Variants in PHLPP2 observed in about 807,000 individuals in gnomAD.
PHLPP2 encodes PH domain and leucine rich repeat protein phosphatase 2, also known as PH domain leucine-rich repeat-containing protein phosphatase 2.
Under a neutral mutation model 124.9 loss-of-function variants are expected in PHLPP2, and 66 were observed. That is an observed-to-expected ratio of 0.53 (90% CI 0.43 to 0.65). The LOEUF (loss-of-function observed/expected upper bound fraction) is 0.65. Among genes scored for constraint, PHLPP2 ranks in the 30% least tolerant of loss-of-function variants. PHLPP2 has a pLI of 0.00. For missense variants in PHLPP2, 1,685 were observed against 1,600.4 expected (o/e 1.05, Z -0.90); for synonymous variants, 681 against 624.7 (o/e 1.09, Z -1.34).
At chr16:71,716,643 A>T (rs1262157531) in intron 1 of PHLPP2, among the ~76,000 whole-genome samples, 1 of 150,648 alleles carries the variant, frequency 6.6e-6, no homozygotes, top group African/African-American at 2.5e-5. Context: ...TGTTTCAATC[A>T]CCTCCAACTA....
chr16:71,662,554 C>A (rs938537324), intron 13 of PHLPP2, among the ~76,000 whole-genome samples: 54 of 152,200 alleles, frequency 3.5e-4, no homozygotes, highest in African/African-American at 1.2e-3. Flanking sequence ...TCTTCTGAAG[C>A]TCTATCTCAT....
At chr16:71,652,125 A>G (rs746830333) in intron 18 of PHLPP2, among the ~76,000 whole-genome samples, 1 of 152,264 alleles carries the variant, frequency 6.6e-6, no homozygotes, top group Non-Finnish European at 1.5e-5. Flanking sequence ...TTTGCAAAAC[A>G]GGTATCTGAT....
intron 3 of PHLPP2, among the ~76,000 whole-genome samples, chr16:71,701,114 TA>T (rs1027758725): frequency 9.9e-5 from 15 of 152,144 alleles, no homozygotes; most frequent in African/African-American, 3.6e-4. Flanking sequence ...TTCAGATGAC[TA>T]AAATCTCATG....
At chr16:71,684,729 T>C (rs1284482558) in intron 4 of PHLPP2, 128 bp from the exon 5 acceptor site, 3 of 852,058 alleles carry the variant, frequency 3.5e-6, no homozygotes, top group Non-Finnish European at 5.2e-6. Flanking sequence ...TCTCTCTCCC[T>C]CCTTGTCCCC....
intron 4 of PHLPP2, among the ~76,000 whole-genome samples, chr16:71,685,739 G>A (rs1172151338): frequency 6.6e-6 from 1 of 152,140 alleles, no homozygotes; most frequent in African/African-American, 2.4e-5. Flanking sequence ...ATTTTGGAAT[G>A]CTTGACATTG....
At chr16:71,698,846 C>G (rs2045200273) in intron 3 of PHLPP2, 1 of 231,454 alleles carries the variant, frequency 4.3e-6, no homozygotes, top group African/African-American at 2.3e-5. Flanking sequence ...CACTCCCTCT[C>G]CAGCAAGACT....
chr16:71,661,097 C>T (rs576071024), intron 13 of PHLPP2, among the ~76,000 whole-genome samples: 1 of 148,046 alleles, frequency 6.8e-6, no homozygotes, highest in South Asian at 2.2e-4. Context: ...GATAGGGTCC[C>T]GCTCTGTTGC....
At position 71,690,566 on chromosome 16, in the gene PHLPP2, C is replaced by G. The variant is rs749829092; in HGVS notation, c.562G>C (p.Asp188His). 3.0e-5 allele frequency: 48 copies of G among 1,613,050 alleles called. No individual in the cohort carries two copies. Among genetic ancestry groups the G allele is most frequent in the Non-Finnish European group, 4.0e-5 (47 of 1,179,478 alleles). Residue 188 changes from aspartate (D) to histidine (H), a missense_variant, in exon 4 of 19, where the codon GAT (aspartate) becomes CAT (histidine). Coordinates refer to ENST00000568954, the MANE Select transcript of PHLPP2 (RefSeq NM_015020.3). ...ATGTGCATCTTTCCAGTTTGACAATCCTTCACTGAGGAAACGATAAGGCAG... is the reference window on the plus strand; with the variant it reads ...ATGTGCATCTTTCCAGTTTGACAATGCTTCACTGAGGAAACGATAAGGCAG... ...GTCLIVSSVK[D>H]CQTGKMHILP...
chr16:71,706,307 C>T (rs772379590), intron 2 of PHLPP2, among the ~76,000 whole-genome samples: 1 of 152,176 alleles, frequency 6.6e-6, no homozygotes, highest in Non-Finnish European at 1.5e-5. Context: ...CAGATTATAC[C>T]GCTTAGCCAA....
intron 15 of PHLPP2, among the ~76,000 whole-genome samples, chr16:71,657,543 C>T (rs1039832107): frequency 2.6e-5 from 4 of 151,338 alleles, no homozygotes; most frequent in Non-Finnish European, 4.4e-5. Flanking sequence ...TACAGGCGCC[C>T]GCCACCTCGC....
chr16:71,704,087 C>T (rs970544732), intron 2 of PHLPP2, among the ~76,000 whole-genome samples: 6 of 152,072 alleles, frequency 3.9e-5, no homozygotes, highest in African/African-American at 1.2e-4. Context: ...CTTCAGGAGG[C>T]TGAGGCGGGC....
intron 15 of PHLPP2, 70 bp from the exon 16 acceptor site, chr16:71,656,751 A>T: frequency 5.5e-6 from 5 of 914,224 alleles, no homozygotes; most frequent in South Asian, 1.4e-5. Context: ...CAACAATAGT[A>T]TTCTTTTTTT....
At chr16:71,717,804 A>T (rs1444647879) in intron 1 of PHLPP2, among the ~76,000 whole-genome samples, 1 of 152,184 alleles carries the variant, frequency 6.6e-6, no homozygotes, top group Non-Finnish European at 1.5e-5. Context: ...TTTCACACAA[A>T]CAAAAAAGTC....
Position 71,656,599 on chromosome 16 carries a change from G to A in PHLPP2, c.2362C>T (p.Leu788=). 1 of 1,611,280 alleles carries A rather than the reference G, an allele frequency of 6.2e-7. No individual in the cohort carries two copies. The highest frequency in any genetic ancestry group is 1.1e-5 in the South Asian group (1 of 91,020). ...TVTSTFWSHG[L]AEMAGQRNKL... The stretch of plus-strand genomic sequence containing the variant: ...TTTCTCTGCCCTGCCATCTCAGCCA[G>A]TCCATGGCTCCAGAAGGTTGACGTA... Residue 788 remains leucine, a synonymous_variant, in exon 16 of 19, where the codon CTG becomes TTG. Transcript: ENST00000568954.
intron 3 of PHLPP2, among the ~76,000 whole-genome samples, chr16:71,693,398 C>T (rs964234219): frequency 1.3e-5 from 2 of 152,210 alleles, no homozygotes; most frequent in Admixed American, 6.5e-5. Flanking sequence ...ATGCTCAAAA[C>T]CTCAGAAGCA....
chr16:71,667,469 T>A, intron 11 of PHLPP2, 136 bp from the exon 12 acceptor site: 1 of 659,142 alleles, frequency 1.5e-6, no homozygotes, highest in South Asian at 2.3e-5. Context: ...CACTGACAAG[T>A]GCCTGAGCCA....
chr16:71,652,428 C>T (rs573909308), intron 18 of PHLPP2, among the ~76,000 whole-genome samples: 2 of 152,290 alleles, frequency 1.3e-5, no homozygotes, highest in African/African-American at 4.8e-5. Context: ...TGAAACTTTG[C>T]ATTTCAGAAT....
chr16:71,723,854 T>G, intron 1 of PHLPP2: 18 of 1,205,930 alleles, frequency 1.5e-5, no homozygotes, highest in Non-Finnish European at 1.7e-5. Context: ...GGGCCCCGGC[T>G]CCACCTCCCC....
In PHLPP2 at chr16:71,652,790, C is replaced by T; in HGVS notation, c.2817G>A (p.Glu939=). The T allele has an allele frequency of 6.2e-7, 1 of 1,610,474 alleles. No homozygotes were observed. Among genetic ancestry groups the T allele is most frequent in the Non-Finnish European group, 8.5e-7 (1 of 1,176,718 alleles). Residue 939 remains glutamate (E), a splice_region_variant and synonymous_variant, in exon 18 of 19, where the codon GAG becomes GAA. Coordinates refer to ENST00000568954, the MANE Select transcript of PHLPP2 (RefSeq NM_015020.3). ...RVKDQKAIIT[E]DNKVNGVTCC... ...GTGACTGGCGGGGAGCGGAACACACCTCTGTGATGATGGCTTTTTGGTCCT... is the reference window on the plus strand; with the variant it reads ...GTGACTGGCGGGGAGCGGAACACACTTCTGTGATGATGGCTTTTTGGTCCT...
Sources: allele counts gnomAD v4.1 joint callset (sites outside exome capture counted in the v4.1 genomes callset), GRCh38; gene constraint gnomAD v4.1.1; transcripts MANE v1.5; gene names NCBI Gene and HGNC (gene_info 2026-07-23, HGNC 2026-07-21).